Variants in ADGRL2 observed in about 807,000 individuals in gnomAD.
The protein encoded by ADGRL2 is adhesion G protein-coupled receptor L2, also known as calcium-independent alpha-latrotoxin receptor 2.
ADGRL2 carries 44 observed loss-of-function variants against 157.4 expected under a neutral mutation model. The ratio of observed to expected loss-of-function variants is 0.28; its 90% CI spans 0.22 to 0.36. The LOEUF (loss-of-function observed/expected upper bound fraction) is 0.36, where lower values mean the gene tolerates loss of function less well. Ranked by LOEUF, ADGRL2 falls within the 10% of genes least tolerant of loss-of-function variation. ADGRL2 has a pLI of 1.00. For missense variants in ADGRL2, 1,510 were observed against 1,768.9 expected (o/e 0.85, Z 2.63); for synonymous variants, 585 against 624.7 (o/e 0.94, Z 0.95).
chr1:81,324,340 CA>C (rs35428384), intron 1 of ADGRL2, among the ~76,000 whole-genome samples: 92,121 of 147,390 alleles, frequency 0.63, 28,884 homozygotes, highest in Middle Eastern at 0.72. Context: ...CCTGTCTCTA[CA>C]AAAAAAAAAA....
At chr1:81,322,086 T>TCATATATATATATATATATATATATACA (rs1553153244) in intron 1 of ADGRL2, among the ~76,000 whole-genome samples, 1 of 67,792 alleles carries the variant, frequency 1.5e-5, no homozygotes, top group Non-Finnish European at 3.2e-5. Context: ...CAGGACTAAT[T>TCATATATATATATATATATATATATACA]CATATATATA....
At position 81,387,989 on chromosome 1, in the gene ADGRL2, T is replaced by C. The variant is rs921426943; in HGVS notation, c.-301-57047T>C. ...GATTTCTCTGGCCTACCATCATCAA[T>C]ATTTTATGTCCTGTTAAATCTGTTC... On this transcript the variant is annotated intron_variant, in intron 1 of 24. Coordinates refer to the ADGRL2 transcript ENST00000370721. Among the ~76,000 whole-genome samples, 4 of 152,158 alleles carry C rather than the reference T, an allele frequency of 2.6e-5. No homozygotes were observed. In the South Asian group the frequency reaches 8.3e-4, roughly 32 times the overall value.
intron 2 of ADGRL2, among the ~76,000 whole-genome samples, chr1:81,539,405 C>G (rs2079827103): frequency 6.6e-6 from 1 of 152,206 alleles, no homozygotes; most frequent in African/African-American, 2.4e-5. Context: ...GGTCTCACTT[C>G]TAACATACCG....
chr1:81,718,571 T>C (rs2084194401), intron 1 of ADGRL2, among the ~76,000 whole-genome samples: 3 of 152,220 alleles, frequency 2.0e-5, no homozygotes, highest in Admixed American at 2.0e-4. Context: ...TGTTCATTAT[T>C]TTGCTGACTT....
chr1:81,380,854 GAA>G (rs200257616), intron 1 of ADGRL2, among the ~76,000 whole-genome samples: 1 of 150,030 alleles, frequency 6.7e-6, no homozygotes, highest in Non-Finnish European at 1.5e-5. Flanking sequence ...TGAATGGTAG[GAA>G]AAAAAAATTG....
In ADGRL2 at chr1:81,985,266, TAAG is replaced by T; in HGVS notation, c.3425_3427del (p.Arg1142del). On this transcript the variant is annotated inframe_deletion, in exon 21 of 24. Coordinates refer to ENST00000686636, the MANE Select transcript of ADGRL2 (RefSeq NM_001366006.2). ...GCTGTTTTGTATTAATAGAGTCGTA[TAAG>T]AAGAATGTGGAATGATACTGTGAGA... 6.3e-7 allele frequency: 1 copy of T among 1,580,046 alleles called. No homozygotes were observed. The highest frequency in any genetic ancestry group is 8.7e-7 in the Non-Finnish European group (1 of 1,152,314).
intron 2 of ADGRL2, chr1:81,505,849 T>C (rs1424971836): frequency 5.7e-6 from 2 of 352,648 alleles, no homozygotes. Flanking sequence ...CACCTCAGCT[T>C]TTGTTCTTTA....
Position 81,673,720 on chromosome 1 carries a change from T to C in ADGRL2, c.-142-88091T>C, listed in dbSNP as rs2082924524. On this transcript the variant is annotated intron_variant, in intron 3 of 24. Coordinates refer to the ADGRL2 transcript ENST00000370721. ...TTTTAGTAGAGACAGGGTTTCACCG[T>C]GTTAGCCAGGATGGTCTCGATCTCC... 3.3e-5 allele frequency among the ~76,000 whole-genome samples: 5 copies of C among 152,074 alleles called. No homozygotes were observed. In the South Asian group the frequency reaches 1.0e-3, roughly 32 times the overall value.
intron 2 of ADGRL2, among the ~76,000 whole-genome samples, chr1:81,509,184 A>G (rs2079032059): frequency 6.6e-6 from 1 of 152,138 alleles, no homozygotes; most frequent in African/African-American, 2.4e-5. Flanking sequence ...TTGGAGATCA[A>G]TGCACAGAAA....
intron 1 of ADGRL2, among the ~76,000 whole-genome samples, chr1:81,404,734 G>A (rs1260484779): frequency 6.6e-6 from 1 of 152,052 alleles, no homozygotes; most frequent in East Asian, 1.9e-4. Context: ...ATTTCTCCAG[G>A]TGGAGATTTA....
At chr1:81,337,914 G>T (rs767057353) in intron 1 of ADGRL2, among the ~76,000 whole-genome samples, 1 of 152,094 alleles carries the variant, frequency 6.6e-6, no homozygotes, top group Non-Finnish European at 1.5e-5. Context: ...TACAAATAGG[G>T]TCAGAGTCTT....
chr1:81,698,358 T>C (rs906611184), upstream of ADGRL2, among the ~76,000 whole-genome samples: 1 of 152,210 alleles, frequency 6.6e-6, no homozygotes, highest in East Asian at 1.9e-4. Flanking sequence ...ATCCTATATA[T>C]GAAAGAAGCC....
intron 1 of ADGRL2, among the ~76,000 whole-genome samples, chr1:81,322,603 G>C (rs900138220): frequency 4.6e-5 from 7 of 152,110 alleles, no homozygotes; most frequent in Non-Finnish European, 1.0e-4. Flanking sequence ...AAAAAGGACA[G>C]TGGAAAGAAT....
At chr1:81,673,815 C>T (rs769975223) in intron 3 of ADGRL2, among the ~76,000 whole-genome samples, 9 of 152,174 alleles carry the variant, frequency 5.9e-5, no homozygotes, top group Admixed American at 2.0e-4. Context: ...CTGCACCCAG[C>T]CTCTTCTAGT....
intron 1 of ADGRL2, among the ~76,000 whole-genome samples, chr1:81,396,271 A>G (rs1421291678): frequency 6.6e-6 from 1 of 152,014 alleles, no homozygotes; most frequent in East Asian, 1.9e-4. Context: ...TGGATATGAG[A>G]TTGCTTTCTT....
rs565884887 is a variant in ADGRL2 at position 81,563,308 on chromosome 1, C to G, written c.-247-17568C>G. ...AAATATTTTAGGGTGGTTTTTATTG[C>G]TCTTCCTTGACAACCTTCTGGTGTC... On this transcript the variant is annotated intron_variant, in intron 2 of 24. Coordinates refer to the ADGRL2 transcript ENST00000370721. Among the ~76,000 whole-genome samples, 41 of 152,230 alleles carry G rather than the reference C, an allele frequency of 2.7e-4. 1 individual carries two copies. In the South Asian group the frequency reaches 8.5e-3, roughly 32 times the overall value.
intron 1 of ADGRL2, among the ~76,000 whole-genome samples, chr1:81,803,258 G>C (rs2088576953): frequency 6.6e-6 from 1 of 152,110 alleles, no homozygotes; most frequent in African/African-American, 2.4e-5. Context: ...CAGGCAGAGG[G>C]GGCGAGGGCG....
intron 2 of ADGRL2, among the ~76,000 whole-genome samples, chr1:81,473,130 T>G: frequency 6.7e-6 from 1 of 148,248 alleles, no homozygotes; most frequent in Non-Finnish European, 1.5e-5. Context: ...GAGGAGGAGG[T>G]GATGATGGAG....
At chr1:81,493,271 T>C (rs9659281) in intron 2 of ADGRL2, among the ~76,000 whole-genome samples, 22,029 of 152,072 alleles carry the variant, frequency 0.14, 2,923 homozygotes, top group African/African-American at 0.36. Flanking sequence ...GAGGTTGCCC[T>C]GCATGTCAGC....
Sources: allele counts gnomAD v4.1 joint callset (sites outside exome capture counted in the v4.1 genomes callset), GRCh38; gene constraint gnomAD v4.1.1; transcripts MANE v1.5; gene names NCBI Gene and HGNC (gene_info 2026-07-23, HGNC 2026-07-21).